Variants in DIP2B observed in about 807,000 individuals in gnomAD.
DIP2B encodes disco-interacting protein 2 homolog B.
In DIP2B, 76 loss-of-function variants were observed where a neutral mutation model predicts 198.0. That is an observed-to-expected ratio of 0.38 (90% confidence interval 0.32 to 0.46). The LOEUF is 0.46. DIP2B is among the 20% of genes least tolerant of loss of function. DIP2B has a pLI of 0.99. For missense variants in DIP2B, 1,559 were observed against 1,978.4 expected, an observed-to-expected ratio of 0.79 and a Z score of 4.02; for synonymous variants, 701 against 739.1, an observed-to-expected ratio of 0.95 and a Z score of 0.84.
At chr12:50,742,401 A>AAAAAAAAAC (rs1278759440) in intron 37 of DIP2B, among the ~76,000 whole-genome samples, 2 of 56,634 alleles carry the variant, frequency 3.5e-5, no homozygotes, top group African/African-American at 8.4e-5. Context: ...TCTCAAAAAA[A>AAAAAAAAAC]AAAAAAAAAA....
intron 1 of DIP2B, among the ~76,000 whole-genome samples, chr12:50,598,998 A>AC (rs1016734346): frequency 7.1e-6 from 1 of 141,772 alleles, no homozygotes; most frequent in African/African-American, 2.6e-5. Flanking sequence ...TAAAAAAAAA[A>AC]AAAACTCTTG....
intron 1 of DIP2B, among the ~76,000 whole-genome samples, chr12:50,574,781 G>A (rs1465790201): frequency 6.6e-6 from 1 of 152,220 alleles, no homozygotes. Context: ...CAGGGTAGGA[G>A]AAGTAGCCTG....
intron 1 of DIP2B, 26 bp from the exon 2 acceptor site, chr12:50,625,950 C>T: frequency 6.2e-7 from 1 of 1,608,448 alleles, no homozygotes; most frequent in Non-Finnish European, 8.5e-7. Flanking sequence ...TAATGCATAA[C>T]CTATTTCTGT....
rs1938849894 is a variant in DIP2B at position 50,671,322 on chromosome 12, A to T, written c.564A>T (p.Ala188=). The change falls in exon 5 of 38, where the codon GCA becomes GCT. Residue 188 remains alanine, a synonymous_variant. Transcript: ENST00000301180. ...AGGGATCGTCCACTTCTTCATCCGCATCTTCTACGCTGTCCCACGGAGAGG... is the reference window on the plus strand; with the variant it reads ...AGGGATCGTCCACTTCTTCATCCGCTTCTTCTACGCTGTCCCACGGAGAGG... ...SIQGSSTSSS[A]SSTLSHGEVK... is the part of the protein sequence containing the mutation. The T allele has an allele frequency of 6.2e-7, 1 of 1,614,208 alleles. No individual in the cohort carries two copies. Among genetic ancestry groups the T allele is most frequent in the Non-Finnish European group, 8.5e-7 (1 of 1,180,038 alleles).
intron 1 of DIP2B, among the ~76,000 whole-genome samples, chr12:50,609,791 C>T (rs952781472): frequency 6.6e-6 from 1 of 152,184 alleles, no homozygotes; most frequent in African/African-American, 2.4e-5. Context: ...CTCTTCAAAT[C>T]CCTTGGCACA....
intron 1 of DIP2B, among the ~76,000 whole-genome samples, chr12:50,579,630 AAAAAAAAAAAAAAAAT>A (rs1958698252): frequency 2.4e-4 from 10 of 40,904 alleles, no homozygotes; most frequent in Non-Finnish European, 3.8e-4. Context: ...AAAAAAAAAA[AAAAAAAAAAAAAAAAT>A]ATATATATAT....
At chr12:50,572,995 C>G (rs7301125) in intron 1 of DIP2B, among the ~76,000 whole-genome samples, 19,468 of 152,178 alleles carry the variant, frequency 0.13, 2,428 homozygotes, top group East Asian at 0.36. Flanking sequence ...AGAGAACACT[C>G]TTGGCACTCA....
intron 5 of DIP2B, among the ~76,000 whole-genome samples, chr12:50,673,624 T>C (rs1347530263): frequency 6.6e-6 from 1 of 152,028 alleles, no homozygotes; most frequent in Non-Finnish European, 1.5e-5. Flanking sequence ...CCATCTCTAC[T>C]AAAAATACAA....
chr12:50,579,737 C>A (rs1958706639), intron 1 of DIP2B, among the ~76,000 whole-genome samples: 2 of 126,576 alleles, frequency 1.6e-5, no homozygotes, highest in African/African-American at 3.0e-5. Flanking sequence ...TCATGGACCC[C>A]TGTAATTTTG....
intron 1 of DIP2B, among the ~76,000 whole-genome samples, chr12:50,603,951 C>T (rs1958960179): frequency 6.6e-6 from 1 of 151,992 alleles, no homozygotes. Context: ...GGCCTGGTTC[C>T]AGGCCTTGGC....
chr12:50,612,254 A>G (rs1441865243), intron 1 of DIP2B, among the ~76,000 whole-genome samples: 2 of 152,088 alleles, frequency 1.3e-5, no homozygotes, highest in Non-Finnish European at 2.9e-5. Flanking sequence ...CTCGAAAAGA[A>G]AAGCAGATAG....
At chr12:50,580,538 C>CTT (rs35098719) in intron 1 of DIP2B, among the ~76,000 whole-genome samples, 3,197 of 127,096 alleles carry the variant, frequency 0.025, 202 homozygotes, top group African/African-American at 0.071. Context: ...TTTCTTTTTC[C>CTT]TTTTTTTTTT....
chr12:50,706,562 A>T lies in DIP2B; in HGVS notation c.2431A>T (p.Lys811Ter). 6.2e-7 allele frequency: 1 copy of T among 1,613,958 alleles called. No individual in the cohort carries two copies. The highest frequency in any genetic ancestry group is 2.2e-5 in the East Asian group (1 of 44,862). The change falls in exon 21 of 38, where the codon AAA becomes TAA. Residue 811 changes from lysine to a stop codon, truncating the protein, a stop_gained. Coordinates refer to ENST00000301180, the MANE Select transcript of DIP2B (RefSeq NM_173602.3). LOFTEE classifies it high-confidence loss of function. ...GPGSLVFVVGKMDGLLMVSGR... is the reference protein window; with the variant it reads ...GPGSLVFVVG ...GGGTAGTTTGGTGTTCGTGGTTGGG[A>T]AAATGGATGGCTTACTGATGGTTAG...
chr12:50,717,611 C>T (rs1183429790), intron 23 of DIP2B, among the ~76,000 whole-genome samples: 1 of 152,004 alleles, frequency 6.6e-6, no homozygotes, highest in Non-Finnish European at 1.5e-5. Context: ...TTGTGATCCG[C>T]CCGCCTCGGC....
intron 2 of DIP2B, among the ~76,000 whole-genome samples, chr12:50,628,192 G>A (rs1937973564): frequency 6.6e-6 from 1 of 152,040 alleles, no homozygotes; most frequent in Non-Finnish European, 1.5e-5. Flanking sequence ...CCAACATGGC[G>A]AAACCCCATC....
intron 1 of DIP2B, among the ~76,000 whole-genome samples, chr12:50,530,271 G>T (rs996551540): frequency 6.6e-6 from 1 of 152,068 alleles, no homozygotes; most frequent in Admixed American, 6.5e-5. Context: ...TAGTAGAGAC[G>T]GGGTTTCACT....
chr12:50,741,435 T>C lies in DIP2B; in HGVS notation c.4374T>C (p.Tyr1458=), dbSNP rs1356421322. The C allele has an allele frequency of 1.2e-6, 2 of 1,614,100 alleles. No individual in the cohort carries two copies. The highest frequency in any genetic ancestry group is 3.3e-5 in the Admixed American group (2 of 60,022). ...TGTCAGAGCGTCATGATGCATTGTA[T>C]GTGGTGGGAGCGCTGGATGAAACAC... ...AATGERHDAL[Y]VVGALDETLE... The change falls in exon 37 of 38, where the codon TAT becomes TAC. Residue 1458 remains tyrosine (Y), a synonymous_variant. Transcript: ENST00000301180.
chr12:50,701,629 C>T (rs1257433925), intron 19 of DIP2B, among the ~76,000 whole-genome samples: 1 of 151,918 alleles, frequency 6.6e-6, no homozygotes, highest in Non-Finnish European at 1.5e-5. Context: ...GGTGATCCAC[C>T]CTCCTCGGCG....
rs1939466537 is a variant in DIP2B, at chr12:50,703,914, TA to T, written c.2326-225del. Among the ~76,000 whole-genome samples, 5 of 150,110 alleles carry T rather than the reference TA, an allele frequency of 3.3e-5. No homozygotes were observed. In the South Asian group the frequency reaches 8.3e-4, roughly 25 times the overall value. On this transcript the variant is annotated intron_variant, in intron 19 of 37. Coordinates refer to ENST00000301180, the MANE Select transcript of DIP2B (RefSeq NM_173602.3). ...CTCAGCACATTTATTTATATATACATATTTTTTATATGTTTTATATATATAT... is the reference window on the plus strand; with the variant it reads ...CTCAGCACATTTATTTATATATACATTTTTTTATATGTTTTATATATATAT...
Sources: gnomAD v4.1 joint callset for allele counts (sites outside exome capture counted in the v4.1 genomes callset) on GRCh38, gnomAD v4.1.1 for gene constraint, MANE v1.5 for transcripts, NCBI Gene and HGNC (gene_info 2026-07-23, HGNC 2026-07-21) for gene names.